The following VWC2L variants were observed in gnomAD, a reference collection of about 807,000 sequenced individuals.
The protein encoded by VWC2L is von Willebrand factor C domain containing 2 like.
VWC2L carries 10 observed loss-of-function variants against 21.6 expected under a neutral mutation model. That is an observed-to-expected ratio of 0.46 (90% CI 0.29 to 0.78). The LOEUF (loss-of-function observed/expected upper bound fraction) is 0.78, where lower values mean the gene tolerates loss of function less well. Among genes scored for constraint, VWC2L ranks in the 30% least tolerant of loss-of-function variants. VWC2L has a pLI of 0.10. For synonymous variants in VWC2L, 96 were observed against 94.3 expected, an observed-to-expected ratio of 1.02 and a Z score of -0.10; for missense variants, 209 against 277.1, an observed-to-expected ratio of 0.75 and a Z score of 1.74.
At chr2:214,472,416 A>G (rs1194229871) in intron 3 of VWC2L, among the ~76,000 whole-genome samples, 3 of 152,256 alleles carry the variant, frequency 2.0e-5, no homozygotes, top group Non-Finnish European at 2.9e-5. Flanking sequence ...GAAATATCAT[A>G]GAAATATTTT....
intron 3 of VWC2L, among the ~76,000 whole-genome samples, chr2:214,473,296 T>C (rs1292734044): frequency 1.3e-5 from 2 of 152,200 alleles, no homozygotes; most frequent in African/African-American, 4.8e-5. Context: ...AATTCTGTAT[T>C]AAAGTTAACT....
At position 214,573,258 on chromosome 2, in the gene VWC2L, T is replaced by C. The variant is rs759022539; in HGVS notation, c.521-2414T>C. ...ACATACACATACACACACACACACA[T>C]ACACACATACGCACGCTCACACGGT... On this transcript the variant is annotated intron_variant, in intron 3 of 3. Transcript: ENST00000312504. 9.2e-5 allele frequency among the ~76,000 whole-genome samples: 14 copies of C among 151,740 alleles called. 1 individual carries two copies. Among genetic ancestry groups the C allele is most frequent in the East Asian group, 1.9e-4 (1 of 5,176 alleles).
At chr2:214,502,247 T>G (rs1266514126) in intron 3 of VWC2L, among the ~76,000 whole-genome samples, 2 of 152,182 alleles carry the variant, frequency 1.3e-5, no homozygotes, top group African/African-American at 4.8e-5. Flanking sequence ...GGTGTTTTGT[T>G]CATGCAAAGT....
chr2:214,537,922 G>A (rs1468569925), intron 3 of VWC2L, among the ~76,000 whole-genome samples: 1 of 143,694 alleles, frequency 7.0e-6, no homozygotes, highest in Non-Finnish European at 1.5e-5. Context: ...TTTTTTGGTG[G>A]GCTTGCCACG....
chr2:214,501,721 CAAAAAAAAAA>C (rs776608301), intron 3 of VWC2L, among the ~76,000 whole-genome samples: 5 of 79,108 alleles, frequency 6.3e-5, no homozygotes, highest in Non-Finnish European at 1.2e-4. Context: ...GACTCTGTCT[CAAAAAAAAAA>C]AAAAAAAAAA....
intron 3 of VWC2L, among the ~76,000 whole-genome samples, chr2:214,449,860 C>G (rs1702927328): frequency 1.3e-5 from 2 of 152,168 alleles, no homozygotes; most frequent in Non-Finnish European, 2.9e-5. Flanking sequence ...CTAGCCAGCC[C>G]CGAGTCTTTC....
At chr2:214,570,120 G>A (rs534348942) in intron 3 of VWC2L, among the ~76,000 whole-genome samples, 3 of 152,208 alleles carry the variant, frequency 2.0e-5, no homozygotes, top group African/African-American at 7.2e-5. Context: ...AGATACACTG[G>A]AAGGTGCTTT....
intron 3 of VWC2L, among the ~76,000 whole-genome samples, chr2:214,516,249 G>A (rs976529605): frequency 6.6e-6 from 1 of 151,730 alleles, no homozygotes; most frequent in African/African-American, 2.4e-5. Context: ...TCTTCTCGGT[G>A]TATCGCCCCA....
intron 3 of VWC2L, among the ~76,000 whole-genome samples, chr2:214,450,142 A>C (rs1211168905): frequency 6.6e-6 from 1 of 152,164 alleles, no homozygotes; most frequent in Non-Finnish European, 1.5e-5. Flanking sequence ...CTCCTTTGCG[A>C]ATGGGGAAAG....
At chr2:214,520,792 T>C (rs1689225411) in intron 3 of VWC2L, among the ~76,000 whole-genome samples, 1 of 152,162 alleles carries the variant, frequency 6.6e-6, no homozygotes, top group South Asian at 2.1e-4. Context: ...CTCAACAATG[T>C]AGAACTATGG....
chr2:214,572,701 A>G (rs1177002223), intron 3 of VWC2L, among the ~76,000 whole-genome samples: 2 of 152,116 alleles, frequency 1.3e-5, no homozygotes, highest in Non-Finnish European at 2.9e-5. Context: ...CAATTATCTA[A>G]ATTACTTTTA....
intron 2 of VWC2L, 21 bp downstream of exon 2, chr2:214,414,604 T>G (rs1254778548): frequency 1.3e-6 from 2 of 1,598,972 alleles, no homozygotes; most frequent in Admixed American, 1.8e-5. Flanking sequence ...CCCTCCATAT[T>G]TATTGAAATA....
rs867868156 is a variant in VWC2L, at chr2:214,528,639, T to C, written c.521-47033T>C. Reference sequence around the variant, plus strand: ...CACAGAGGGAACCCAGAATGAACCATTTGCCACGGGTAACCAGATCACTAC... The same window carrying C: ...CACAGAGGGAACCCAGAATGAACCACTTGCCACGGGTAACCAGATCACTAC... On this transcript the variant is annotated intron_variant, in intron 3 of 3. Coordinates refer to ENST00000312504, the MANE Select transcript of VWC2L (RefSeq NM_001080500.4). Among the ~76,000 whole-genome samples, 10 of 152,200 alleles carry C rather than the reference T, an allele frequency of 6.6e-5. No individual in the cohort carries two copies. The Middle Eastern group carries it at 0.014, about 207-fold the overall frequency.
At chr2:214,513,864 T>C (rs1167394419) in intron 3 of VWC2L, among the ~76,000 whole-genome samples, 2 of 152,132 alleles carry the variant, frequency 1.3e-5, no homozygotes, top group African/African-American at 2.4e-5. Context: ...CTCAGGTGTA[T>C]GAAGTCTTCC....
Position 214,470,916 on chromosome 2 carries a change from C to CAAAAAAAAAAAAAAA in VWC2L, c.520+34171_520+34185dup, listed in dbSNP as rs56041924. 6.7e-4 allele frequency among the ~76,000 whole-genome samples: 34 copies of CAAAAAAAAAAAAAAA among 50,798 alleles called. 3 individuals carry two copies. Among genetic ancestry groups the CAAAAAAAAAAAAAAA allele is most frequent in the African/African-American group, 3.2e-3 (32 of 9,968 alleles). The allele number at this position is 50,798 out of a possible 152,430, so 33.3% of individuals were successfully genotyped here. A position where few individuals can be genotyped will look rare whatever the true frequency, so the allele number is the denominator to read the frequency against. On this transcript the variant is annotated intron_variant, in intron 3 of 3. Coordinates refer to ENST00000312504, the MANE Select transcript of VWC2L (RefSeq NM_001080500.4). Reference sequence around the variant, plus strand: ...TGGGCAACAGAGTGAAACTCCATCTCAAAAAAAAAAAAAAAAAAAAAAAAA... The same window carrying CAAAAAAAAAAAAAAA: ...TGGGCAACAGAGTGAAACTCCATCTCAAAAAAAAAAAAAAAAAAAAAAAAAAAAAAAAAAAAAAAA...
intron 3 of VWC2L, among the ~76,000 whole-genome samples, chr2:214,548,219 T>C (rs1446352016): frequency 6.6e-6 from 1 of 152,212 alleles, no homozygotes; most frequent in Non-Finnish European, 1.5e-5. Flanking sequence ...TTCTGAGCCA[T>C]GTAGCTCAGC....
intron 3 of VWC2L, among the ~76,000 whole-genome samples, chr2:214,493,079 G>A (rs1348487265): frequency 3.9e-5 from 6 of 152,102 alleles, no homozygotes; most frequent in Non-Finnish European, 7.4e-5. Context: ...CTAATATGGG[G>A]TACACCTGCA....
Position 214,577,159 on chromosome 2 carries a change from C to T in VWC2L, c.*1339C>T, listed in dbSNP as rs1559337010. 1 of 152,106 alleles carries T rather than the reference C, an allele frequency of 6.6e-6. No individual in the cohort carries two copies. The highest frequency in any genetic ancestry group is 1.5e-5 in the Non-Finnish European group (1 of 68,024). The allele number at this position is 152,106 out of a possible 1,614,324, so 9.4% of individuals were successfully genotyped here. ...TAGTCGCTTATTCCATGCTCCTGCC[C>T]TAAAAACCCTGGCACAGATCTGATA... is the stretch of plus-strand genomic sequence containing the variant. On this transcript the variant is annotated 3_prime_UTR_variant, in exon 4 of 4. Coordinates refer to ENST00000312504, the MANE Select transcript of VWC2L (RefSeq NM_001080500.4).
intron 3 of VWC2L, among the ~76,000 whole-genome samples, chr2:214,495,907 A>AT (rs1253121519): frequency 1.3e-5 from 2 of 152,120 alleles, no homozygotes; most frequent in African/African-American, 4.8e-5. Context: ...GTCAGTTCAG[A>AT]TTTTTTTGAG....
Sources: allele counts gnomAD v4.1 joint callset (sites outside exome capture counted in the v4.1 genomes callset), GRCh38; gene constraint gnomAD v4.1.1; transcripts MANE v1.5; gene names NCBI Gene and HGNC (gene_info 2026-07-23, HGNC 2026-07-21).